The following NANS variants were observed in gnomAD, a reference collection of about 807,000 sequenced individuals.
NANS encodes N-acetylneuraminate-9-phosphate synthase.
Under a neutral mutation model 33.3 loss-of-function variants are expected in NANS, and 29 were observed. That is an observed-to-expected ratio of 0.87 (90% CI 0.65 to 1.19). The LOEUF (loss-of-function observed/expected upper bound fraction) is 1.19. NANS is among the 50% of genes most tolerant of loss of function. The pLI is 0.00. For synonymous variants in NANS, 163 were observed against 177.2 expected (o/e 0.92, Z 0.64); for missense variants, 394 against 461.1 (o/e 0.85, Z 1.33).
intron 2 of NANS, among the ~76,000 whole-genome samples, chr9:98,067,129 A>G (rs1264445555): frequency 6.6e-6 from 1 of 152,156 alleles, no homozygotes; most frequent in African/African-American, 2.4e-5. Flanking sequence ...TTTTATGGCT[A>G]TACTACATTT....
At chr9:98,059,213 C>A (rs982846475) in intron 1 of NANS, among the ~76,000 whole-genome samples, 1 of 151,732 alleles carries the variant, frequency 6.6e-6, no homozygotes, top group Non-Finnish European at 1.5e-5. Flanking sequence ...TTAGTAGAGA[C>A]GGGGTTTCAC....
intron 2 of NANS, among the ~76,000 whole-genome samples, chr9:98,068,577 G>C (rs776739542): frequency 1.5e-4 from 23 of 151,752 alleles, no homozygotes; most frequent in Non-Finnish European, 2.8e-4. Flanking sequence ...ACTTTGGGAA[G>C]CTGAGGTAGG....
chr9:98,066,297 A>G (rs900032209), intron 2 of NANS, among the ~76,000 whole-genome samples: 1 of 152,184 alleles, frequency 6.6e-6, no homozygotes, highest in African/African-American at 2.4e-5. Flanking sequence ...CACAAAGGCA[A>G]AGCTATTTCC....
chr9:98,068,829 A>C (rs1207227097), intron 2 of NANS, among the ~76,000 whole-genome samples: 2 of 26,656 alleles, frequency 7.5e-5, no homozygotes, highest in African/African-American at 1.3e-3. Context: ...TCCTGTCTCT[A>C]AAAAAAAAAA....
chr9:98,059,729 TG>T (rs1203575985), intron 1 of NANS, among the ~76,000 whole-genome samples: 4 of 151,972 alleles, frequency 2.6e-5, no homozygotes, highest in African/African-American at 4.8e-5. Flanking sequence ...GAGTGTTTTT[TG>T]TTTTTTTTTT....
chr9:98,078,119 C>T, intron 3 of NANS, 74 bp from the exon 4 acceptor site: 1 of 1,588,462 alleles, frequency 6.3e-7, no homozygotes, highest in Non-Finnish European at 8.6e-7. Context: ...ATGAGACCAG[C>T]AGTTGGGATG....
intron 2 of NANS, among the ~76,000 whole-genome samples, chr9:98,070,713 C>A (rs1027856017): frequency 1.3e-5 from 2 of 151,934 alleles, no homozygotes; most frequent in South Asian, 2.1e-4. Context: ...AGCCATCGCG[C>A]CTGGTCACAA....
chr9:98,081,259 G>A (rs1829848721), intron 5 of NANS, 177 bp downstream of exon 5: 3 of 789,088 alleles, frequency 3.8e-6, no homozygotes, highest in African/African-American at 3.5e-5. Context: ...ATGTCACTCT[G>A]GCCTGTAGCA....
chr9:98,077,664 C>T (rs575689992), intron 3 of NANS, among the ~76,000 whole-genome samples: 109 of 152,258 alleles, frequency 7.2e-4, no homozygotes, highest in Non-Finnish European at 1.3e-3. Flanking sequence ...GGGACATGAT[C>T]GTGTAAAGTG....
chr9:98,078,561 C>T (rs901688900), intron 4 of NANS, among the ~76,000 whole-genome samples: 7 of 151,912 alleles, frequency 4.6e-5, no homozygotes, highest in Admixed American at 3.9e-4. Flanking sequence ...CTTGGCCAGG[C>T]GCGGTGGGTC....
chr9:98,080,572 G>C (rs978498669), intron 4 of NANS, among the ~76,000 whole-genome samples: 3 of 152,164 alleles, frequency 2.0e-5, no homozygotes, highest in Non-Finnish European at 4.4e-5. Context: ...GCATTCTTTA[G>C]AATAACAGTA....
At position 98,080,952 on chromosome 9, in the gene NANS, G is replaced by C; in HGVS notation, c.740G>C (p.Gly247Ala). The change falls in exon 5 of 6, where the codon GGG becomes GCG. Residue 247 changes from glycine (G) to alanine (A), a missense_variant. Physicochemically the swap from Gly to Ala is moderately conservative, Grantham distance 60. Transcript: ENST00000210444. Reference protein sequence around the residue: ...RHITLDKTWKGSDHSASLEPG... With the variant: ...RHITLDKTWKASDHSASLEPG... ...ATAACTTTGGACAAGACCTGGAAGG[G>C]GAGTGACCACTCGGCCTCGCTGGAG... is the stretch of plus-strand genomic sequence containing the variant. The C allele has an allele frequency of 6.2e-7, 1 of 1,614,200 alleles. No homozygotes were observed. Among genetic ancestry groups the C allele is most frequent in the South Asian group, 1.1e-5 (1 of 91,086 alleles).
Position 98,077,010 on chromosome 9 carries a change from C to T in NANS, c.441C>T (p.Ala147=). 6.3e-7 allele frequency: 1 copy of T among 1,599,936 alleles called. No homozygotes were observed. Among genetic ancestry groups the T allele is most frequent in the Non-Finnish European group, 8.5e-7 (1 of 1,173,722 alleles). The part of the protein sequence containing the change: ...TNNFPYLEKT[A]KKGRPMVISS... ...ATTTTCCTTATCTGGAAAAGACAGCCAAAAAAGGTAAGTGTCTAATTTTTG... is the reference window on the plus strand; with the variant it reads ...ATTTTCCTTATCTGGAAAAGACAGCTAAAAAAGGTAAGTGTCTAATTTTTG... Residue 147 remains alanine, a synonymous_variant, in exon 3 of 6, where the codon GCC becomes GCT. Coordinates refer to ENST00000210444, the MANE Select transcript of NANS (RefSeq NM_018946.4).
At chr9:98,057,922 G>GTTTTTTTTTTTTT in intron 1 of NANS, among the ~76,000 whole-genome samples, 1 of 78,088 alleles carries the variant, frequency 1.3e-5, no homozygotes, top group Non-Finnish European at 2.3e-5. Context: ...TTTTTTCCTG[G>GTTTTTTTTTTTTT]TTTTTTTTTT....
In NANS at chr9:98,073,536, G is replaced by C. The variant is rs1829446153; in HGVS notation, c.349-3382G>C. 1.3e-5 allele frequency among the ~76,000 whole-genome samples: 2 copies of C among 151,126 alleles called. 1 individual carries two copies. Among genetic ancestry groups the C allele is most frequent in the South Asian group, 4.2e-4 (2 of 4,810 alleles). On this transcript the variant is annotated intron_variant, in intron 2 of 5. Transcript: ENST00000210444. ...CTGACCTCGTGATCTGCCCGCCACG[G>C]CCTCCCAAAGTGCTGGGATTACAGG...
At chr9:98,081,255 C>T in intron 5 of NANS, 173 bp downstream of exon 5, 2 of 815,472 alleles carry the variant, frequency 2.5e-6, no homozygotes, top group Non-Finnish European at 3.8e-6. Context: ...ATGCATGTCA[C>T]TCTGGCCTGT....
intron 4 of NANS, among the ~76,000 whole-genome samples, 195 bp from the exon 5 acceptor site, chr9:98,080,621 C>T (rs925664829): frequency 3.9e-5 from 6 of 152,194 alleles, no homozygotes; most frequent in African/African-American, 1.4e-4. Flanking sequence ...GAGTGCTTCT[C>T]ATGCATTTAC....
chr9:98,078,400 G>A (rs947396857), intron 4 of NANS, 53 bp downstream of exon 4: 12 of 1,569,184 alleles, frequency 7.6e-6, no homozygotes, highest in South Asian at 2.3e-5. Context: ...TGGGGAAGGC[G>A]TAGTCTTTTT....
rs1828903295 is a variant in NANS at position 98,059,108 on chromosome 9, C to T, written c.133-1674C>T. ...GCGTGATCTCGGCTTACTGCAAGCT[C>T]CGCCTCCTGGGTTCACACCGTTCTC... On this transcript the variant is annotated intron_variant, in intron 1 of 5. Coordinates refer to ENST00000210444, the MANE Select transcript of NANS (RefSeq NM_018946.4). 1.3e-5 allele frequency among the ~76,000 whole-genome samples: 2 copies of T among 151,944 alleles called. 1 individual carries two copies. The highest frequency in any genetic ancestry group is 1.3e-4 in the Admixed American group (2 of 15,246).
Sources: allele counts gnomAD v4.1 joint callset (sites outside exome capture counted in the v4.1 genomes callset), GRCh38; gene constraint gnomAD v4.1.1; transcripts MANE v1.5; gene names NCBI Gene and HGNC (gene_info 2026-07-23, HGNC 2026-07-21).